Variants in CACNA2D2 observed in about 807,000 individuals in gnomAD.
The protein encoded by CACNA2D2 is calcium voltage-gated channel auxiliary subunit alpha2delta 2.
Under a neutral mutation model 166.4 loss-of-function variants are expected in CACNA2D2, and 48 were observed. The ratio of observed to expected loss-of-function variants is 0.29; its 90% CI spans 0.23 to 0.37. The LOEUF is 0.37. CACNA2D2 is among the 10% of genes least tolerant of loss of function. The pLI is 1.00. For synonymous variants in CACNA2D2, 561 were observed against 573.7 expected, an observed-to-expected ratio of 0.98 and a Z score of 0.32; for missense variants, 1,122 against 1,433.0, an observed-to-expected ratio of 0.78 and a Z score of 3.50.
intron 1 of CACNA2D2, among the ~76,000 whole-genome samples, chr3:50,479,181 C>T (rs988399702): frequency 2.0e-5 from 3 of 152,220 alleles, no homozygotes; most frequent in Non-Finnish European, 2.9e-5. Flanking sequence ...CTCCTTGTCT[C>T]TCTCTCTCTT....
intron 15 of CACNA2D2, 88 bp downstream of exon 15, chr3:50,377,920 T>C: frequency 1.3e-6 from 2 of 1,504,548 alleles, no homozygotes; most frequent in Non-Finnish European, 1.8e-6. Flanking sequence ...GTTTACCCCA[T>C]AAGGGGGCCC....
Position 50,438,121 on chromosome 3 carries a change from G to A in CACNA2D2, c.289-3692C>T, listed in dbSNP as rs184258139. ...CAGACTGGAGCCAGGTGGGGATGTG[G>A]GGGAGGACTGAGGAACAGGGAGAAC... On this transcript the variant is annotated intron_variant, in intron 2 of 37. Transcript: ENST00000424201. Among the ~76,000 whole-genome samples the A allele has an allele frequency of 9.3e-4, 141 of 152,290 alleles. 2 individuals are homozygous for A. The East Asian group carries it at 0.023, about 24-fold the overall frequency.
At chr3:50,493,369 G>C (rs1698596768) in intron 1 of CACNA2D2, among the ~76,000 whole-genome samples, 2 of 152,220 alleles carry the variant, frequency 1.3e-5, no homozygotes, top group East Asian at 1.9e-4. Context: ...AAGTCGGCTG[G>C]GGGCTTCTGG....
intron 3 of CACNA2D2, among the ~76,000 whole-genome samples, chr3:50,422,347 G>A (rs1707611497): frequency 6.6e-6 from 1 of 152,150 alleles, no homozygotes; most frequent in South Asian, 2.1e-4. Context: ...CACTCCCCCA[G>A]GTTGCCACAG....
In CACNA2D2 at chr3:50,469,164, G is replaced by A. The variant is rs151170216; in HGVS notation, c.288+6954C>T. The stretch of plus-strand genomic sequence containing the variant: ...TTCTTTAAGCCCATGAGGCCTGAAA[G>A]ACAAGGTGTCAACTTGTTGACTGAT... On this transcript the variant is annotated intron_variant, in intron 2 of 37. Coordinates refer to ENST00000424201, the MANE Select transcript of CACNA2D2 (RefSeq NM_006030.4). 2.6e-5 allele frequency among the ~76,000 whole-genome samples: 4 copies of A among 152,232 alleles called. No individual in the cohort carries two copies. The East Asian group carries it at 5.8e-4, about 22-fold the overall frequency.
At chr3:50,471,635 T>G (rs949899525) in intron 2 of CACNA2D2, among the ~76,000 whole-genome samples, 2 of 152,044 alleles carry the variant, frequency 1.3e-5, no homozygotes, top group Non-Finnish European at 1.5e-5. Flanking sequence ...GTTTCAGATG[T>G]TGGTGGTGCC....
rs1270152238 is a variant in CACNA2D2 at position 50,429,230 on chromosome 3, C to G, written c.405+5083G>C. Among the ~76,000 whole-genome samples the G allele has an allele frequency of 2.6e-5, 4 of 151,966 alleles. No individual in the cohort carries two copies. In the East Asian group the frequency reaches 7.8e-4, roughly 30 times the overall value. Reference sequence around the variant, plus strand: ...GGGTGACAGAGCAAGACTCTGTCTCCTAAATAAATAAACCCTGGTTTTGCT... The same window carrying G: ...GGGTGACAGAGCAAGACTCTGTCTCGTAAATAAATAAACCCTGGTTTTGCT... On this transcript the variant is annotated intron_variant, in intron 3 of 37. Transcript: ENST00000424201.
At chr3:50,429,115 G>A (rs551486638) in intron 3 of CACNA2D2, among the ~76,000 whole-genome samples, 10 of 152,180 alleles carry the variant, frequency 6.6e-5, no homozygotes, top group East Asian at 5.8e-4. Context: ...CTGTAATCCC[G>A]GCTACCTGGG....
At position 50,469,590 on chromosome 3, in the gene CACNA2D2, G is replaced by A. The variant is rs565229421; in HGVS notation, c.288+6528C>T. Among the ~76,000 whole-genome samples the A allele has an allele frequency of 4.7e-5, 7 of 149,372 alleles. No homozygotes were observed. The East Asian group carries it at 6.1e-4, about 13-fold the overall frequency. On this transcript the variant is annotated intron_variant, in intron 2 of 37. Coordinates refer to ENST00000424201, the MANE Select transcript of CACNA2D2 (RefSeq NM_006030.4). The stretch of plus-strand genomic sequence containing the variant: ...CTTACGCAGGGCTAGGTCTGCAGCC[G>A]TTCCTTGCTCCTGCTCCCCTGAGAT...
At chr3:50,393,372 C>T (rs1164868313) in intron 4 of CACNA2D2, among the ~76,000 whole-genome samples, 2 of 152,366 alleles carry the variant, frequency 1.3e-5, no homozygotes, top group Non-Finnish European at 2.9e-5. Context: ...GTTCCATCAT[C>T]CTTGGCACTG....
intron 2 of CACNA2D2, among the ~76,000 whole-genome samples, chr3:50,435,134 G>GGGGT (rs140938940): frequency 0.087 from 13,041 of 149,768 alleles, 1,701 homozygotes; most frequent in African/African-American, 0.28. Context: ...TAAATCTGAG[G>GGGGT]GTGTGTGTGT....
In CACNA2D2 at chr3:50,379,377, C is replaced by T; in HGVS notation, c.1152+55G>A. On this transcript the variant is annotated intron_variant, in intron 11 of 37. Coordinates refer to ENST00000424201, the MANE Select transcript of CACNA2D2 (RefSeq NM_006030.4). The surrounding 1 kb of genome is among the most constrained non-coding windows in gnomAD (Gnocchi z 6.5). ...ATCCGTCTTGATTTCCTGGGTACAC[C>T]AAGCCAGGGCCCTCTACTCCCCCAG... The T allele has an allele frequency of 6.3e-7, 1 of 1,595,860 alleles. No individual in the cohort carries two copies.
intron 2 of CACNA2D2, among the ~76,000 whole-genome samples, chr3:50,468,002 C>T (rs1230909057): frequency 3.3e-5 from 5 of 152,324 alleles, no homozygotes; most frequent in Admixed American, 6.5e-5. Context: ...TCTCTGCCTC[C>T]GCCAAGTGCT....
intron 3 of CACNA2D2, among the ~76,000 whole-genome samples, chr3:50,404,607 G>C (rs1261412825): frequency 6.6e-6 from 1 of 152,196 alleles, no homozygotes; most frequent in Non-Finnish European, 1.5e-5. Flanking sequence ...CCATGGCTCA[G>C]GGGCAGGACA....
chr3:50,365,234 C>CAG lies in CACNA2D2; in HGVS notation c.3099-51_3099-50insCT. 6.4e-7 allele frequency: 1 copy of CAG among 1,564,596 alleles called. No homozygotes were observed. The highest frequency in any genetic ancestry group is 8.7e-7 in the Non-Finnish European group (1 of 1,145,532). On this transcript the variant is annotated intron_variant, in intron 35 of 37. Coordinates refer to ENST00000424201, the MANE Select transcript of CACNA2D2 (RefSeq NM_006030.4). This position sits in a 1 kb window ranked among gnomAD's most constrained non-coding sequence, Gnocchi z 4.5. Reference sequence around the variant, plus strand: ...GCGTTGAGTTTGCCCCGCCCTGACCCACCCCCATCCTGCGGCCCCGCCCCC... The same window carrying CAG: ...GCGTTGAGTTTGCCCCGCCCTGACCCAGACCCCCATCCTGCGGCCCCGCCCCC...
intron 2 of CACNA2D2, among the ~76,000 whole-genome samples, chr3:50,464,463 G>T (rs1709736131): frequency 6.6e-6 from 1 of 152,174 alleles, no homozygotes; most frequent in Non-Finnish European, 1.5e-5. Context: ...GGTCTGAGTG[G>T]GTAGCAAAGC....
intron 1 of CACNA2D2, among the ~76,000 whole-genome samples, chr3:50,498,907 G>A (rs1698840570): frequency 6.6e-6 from 1 of 152,224 alleles, no homozygotes; most frequent in Non-Finnish European, 1.5e-5. Flanking sequence ...GCCTCTCATG[G>A]TTGTGGGCTT....
chr3:50,432,342 G>T (rs368917841), intron 3 of CACNA2D2, among the ~76,000 whole-genome samples: 1 of 152,218 alleles, frequency 6.6e-6, no homozygotes, highest in African/African-American at 2.4e-5. Context: ...CTGCTGTGCC[G>T]GCCTGGCTGA....
intron 4 of CACNA2D2, among the ~76,000 whole-genome samples, chr3:50,391,114 T>C (rs1705866652): frequency 6.6e-6 from 1 of 152,236 alleles, no homozygotes; most frequent in Non-Finnish European, 1.5e-5. Context: ...CCTGTCCAGC[T>C]GGCTCTTCTA....
Sources: gnomAD v4.1 joint callset for allele counts (sites outside exome capture counted in the v4.1 genomes callset) on GRCh38, gnomAD v4.1.1 for gene constraint, Gnocchi (gnomAD v3.1) non-coding constraint, MANE v1.5 for transcripts, NCBI Gene and HGNC (gene_info 2026-07-23, HGNC 2026-07-21) for gene names.